The following CNOT6L variants were observed in gnomAD, a reference collection of about 807,000 sequenced individuals.
CNOT6L encodes the protein CCR4-NOT transcription complex subunit 6 like.
In CNOT6L, 7 loss-of-function variants were observed where a neutral mutation model predicts 64.0. That is an observed-to-expected ratio of 0.11 (90% CI 0.06 to 0.21). The LOEUF (loss-of-function observed/expected upper bound fraction) is 0.21, where lower values mean the gene tolerates loss of function less well. Ranked by LOEUF, CNOT6L falls within the 10% of genes least tolerant of loss-of-function variation. CNOT6L has a pLI of 1.00. For synonymous variants in CNOT6L, 193 were observed against 243.4 expected, an observed-to-expected ratio of 0.79 and a Z score of 1.93; for missense variants, 245 against 669.0, an observed-to-expected ratio of 0.37 and a Z score of 6.99.
At chr4:77,768,588 C>T (rs898953707) in intron 4 of CNOT6L, among the ~76,000 whole-genome samples, 5 of 148,100 alleles carry the variant, frequency 3.4e-5, no homozygotes, top group East Asian at 2.0e-4. Flanking sequence ...ACACTTATAA[C>T]GCAAAATAGA....
At chr4:77,740,987 G>A (rs914516295) in intron 8 of CNOT6L, among the ~76,000 whole-genome samples, 3 of 152,136 alleles carry the variant, frequency 2.0e-5, no homozygotes, top group African/African-American at 7.2e-5. Flanking sequence ...TTGTGTAAGT[G>A]CACTTCATGA....
chr4:77,747,316 G>A (rs1177172480), intron 6 of CNOT6L, among the ~76,000 whole-genome samples: 2 of 152,030 alleles, frequency 1.3e-5, no homozygotes, highest in South Asian at 2.1e-4. Flanking sequence ...ACAGGAGTGC[G>A]CTACCACGAC....
At chr4:77,762,214 T>C (rs1278682773) in intron 4 of CNOT6L, among the ~76,000 whole-genome samples, 1 of 152,178 alleles carries the variant, frequency 6.6e-6, no homozygotes, top group African/African-American at 2.4e-5. Context: ...ATATTTTGCA[T>C]AAATCATAAG....
At chr4:77,763,253 T>C (rs1335281534) in intron 4 of CNOT6L, among the ~76,000 whole-genome samples, 1 of 152,194 alleles carries the variant, frequency 6.6e-6, no homozygotes, top group East Asian at 1.9e-4. Flanking sequence ...AAAGTCCAGC[T>C]ATATACTATT....
intron 1 of CNOT6L, among the ~76,000 whole-genome samples, chr4:77,787,006 C>T (rs1247801913): frequency 1.3e-5 from 2 of 152,090 alleles, no homozygotes; most frequent in African/African-American, 2.4e-5. Context: ...TGGCTCACGC[C>T]TGTAATCCCA....
At chr4:77,818,184 G>T (rs1202753804) in intron 1 of CNOT6L, among the ~76,000 whole-genome samples, 1 of 152,174 alleles carries the variant, frequency 6.6e-6, no homozygotes, top group African/African-American at 2.4e-5. Context: ...TGCTTCCAAT[G>T]TGTACAAACG....
At chr4:77,803,742 A>C (rs2110152301) in intron 1 of CNOT6L, among the ~76,000 whole-genome samples, 1 of 152,246 alleles carries the variant, frequency 6.6e-6, no homozygotes, top group South Asian at 2.1e-4. Flanking sequence ...CATCTCCACC[A>C]AAAATACAAA....
At position 77,808,771 on chromosome 4, in the gene CNOT6L, T is replaced by C. The variant is rs117995852; in HGVS notation, c.5+10533A>G. 7.0e-4 allele frequency among the ~76,000 whole-genome samples: 106 copies of C among 152,294 alleles called. No homozygotes were observed. In the East Asian group the frequency reaches 8.3e-3, roughly 12 times the overall value. Reference sequence around the variant, plus strand: ...CAACATCTATCTCCTCTCTTACTTATCCCTGTAGTTTAAAATCCATATGTA... The same window carrying C: ...CAACATCTATCTCCTCTCTTACTTACCCCTGTAGTTTAAAATCCATATGTA... On this transcript the variant is annotated intron_variant, in intron 1 of 11. Transcript: ENST00000504123.
intron 1 of CNOT6L, among the ~76,000 whole-genome samples, chr4:77,817,121 A>C (rs1296057512): frequency 6.6e-6 from 1 of 152,168 alleles, no homozygotes; most frequent in Non-Finnish European, 1.5e-5. Flanking sequence ...CTGTATTGAA[A>C]CATACATGTG....
chr4:77,762,986 A>G (rs1405329890), intron 4 of CNOT6L, among the ~76,000 whole-genome samples: 3 of 152,202 alleles, frequency 2.0e-5, no homozygotes, highest in African/African-American at 7.2e-5. Flanking sequence ...TAATCTTTAA[A>G]AAAATATATT....
chr4:77,743,820 T>A (rs1723881985), intron 7 of CNOT6L, among the ~76,000 whole-genome samples: 1 of 152,028 alleles, frequency 6.6e-6, no homozygotes, highest in Non-Finnish European at 1.5e-5. Context: ...CAGGCTGGTC[T>A]CAAACTCTTG....
intron 11 of CNOT6L, among the ~76,000 whole-genome samples, chr4:77,723,708 C>A (rs1420909881): frequency 6.6e-6 from 1 of 152,142 alleles, no homozygotes; most frequent in Non-Finnish European, 1.5e-5. Flanking sequence ...ATACCTTTAT[C>A]CTTCTCTCTG....
At chr4:77,779,043 T>C (rs1335710976) in intron 1 of CNOT6L, among the ~76,000 whole-genome samples, 11 of 77,284 alleles carry the variant, frequency 1.4e-4, no homozygotes, top group Non-Finnish European at 6.9e-5. Flanking sequence ...CGAGACTCTG[T>C]CTCAAAAAAA....
rs187080474 is a variant in CNOT6L, at chr4:77,765,294, T to G, written c.400+7787A>C. The stretch of plus-strand genomic sequence containing the variant: ...AATAACCATAAAAATGGGCAACCAG[T>G]GCCCTAAGGGCTGCTCTGCCTATGG... On this transcript the variant is annotated intron_variant, in intron 4 of 11. Transcript: ENST00000504123. Among the ~76,000 whole-genome samples, 6 of 152,340 alleles carry G rather than the reference T, an allele frequency of 3.9e-5. No homozygotes were observed. The East Asian group carries it at 1.2e-3, about 29-fold the overall frequency.
chr4:77,740,792 A>C (rs938839066), intron 8 of CNOT6L, among the ~76,000 whole-genome samples: 1 of 152,224 alleles, frequency 6.6e-6, no homozygotes, highest in African/African-American at 2.4e-5. Context: ...TCACCCAGTG[A>C]TGATGTAGGT....
intron 4 of CNOT6L, among the ~76,000 whole-genome samples, chr4:77,765,272 A>G (rs906937368): frequency 3.3e-5 from 5 of 152,204 alleles, no homozygotes; most frequent in Non-Finnish European, 7.3e-5. Context: ...ATCAAGAAAT[A>G]ACCATAAAAA....
intron 8 of CNOT6L, among the ~76,000 whole-genome samples, chr4:77,740,825 C>T (rs555149769): frequency 1.3e-5 from 2 of 152,162 alleles, no homozygotes; most frequent in Non-Finnish European, 2.9e-5. Flanking sequence ...CAGCACAATA[C>T]ATTACCTTTT....
intron 8 of CNOT6L, 28 bp from the exon 9 acceptor site, chr4:77,731,566 G>C: frequency 6.9e-7 from 1 of 1,452,698 alleles, no homozygotes; most frequent in Non-Finnish European, 9.2e-7. Flanking sequence ...ATAATTTTAG[G>C]TACCTAGACT....
chr4:77,812,481 C>CA (rs1369429433), intron 1 of CNOT6L, among the ~76,000 whole-genome samples: 1 of 149,898 alleles, frequency 6.7e-6, no homozygotes, highest in African/African-American at 2.5e-5. Flanking sequence ...AGAAATTCAG[C>CA]AAGGTTGGAG....
Sources: gnomAD v4.1 joint callset for allele counts (sites outside exome capture counted in the v4.1 genomes callset) on GRCh38, gnomAD v4.1.1 for gene constraint, MANE v1.5 for transcripts, NCBI Gene and HGNC (gene_info 2026-07-23, HGNC 2026-07-21) for gene names.